PRKCQ: variants seen among roughly 807,000 people sequenced by gnomAD.
PRKCQ encodes the protein protein kinase C theta, also known as protein kinase C theta type.
PRKCQ carries 41 observed loss-of-function variants against 91.2 expected under a neutral mutation model. That is an observed-to-expected ratio of 0.45 (90% CI 0.35 to 0.58). PRKCQ has a LOEUF of 0.58. Ranked by LOEUF, PRKCQ falls within the 20% of genes least tolerant of loss-of-function variation. The probability of loss-of-function intolerance (pLI) is 0.00; values close to 1 mark genes in which losing one functional copy is unlikely to be tolerated. For synonymous variants in PRKCQ, 307 were observed against 316.9 expected, an observed-to-expected ratio of 0.97 and a Z score of 0.33; for missense variants, 673 against 896.5, an observed-to-expected ratio of 0.75 and a Z score of 3.18.
At chr10:6,505,528 T>C (rs1216606352) in intron 4 of PRKCQ, among the ~76,000 whole-genome samples, 1 of 109,964 alleles carries the variant, frequency 9.1e-6, no homozygotes, top group Non-Finnish European at 2.2e-5. Context: ...TTTTCTTTCT[T>C]TCTTTTTCTT....
intron 2 of PRKCQ, 90 bp from the exon 3 acceptor site, chr10:6,511,284 G>T: frequency 1.7e-6 from 2 of 1,202,818 alleles, no homozygotes; most frequent in Non-Finnish European, 2.4e-6. Context: ...TGCTCCCTCT[G>T]TTCTCTGGGA....
chr10:6,408,462 C>T, the PRKCQ span, among the ~76,000 whole-genome samples: 3 of 152,198 alleles, frequency 2.0e-5, no homozygotes, highest in Non-Finnish European at 4.4e-5. Flanking sequence ...TCAAGTGATT[C>T]TCCTGCCTCA....
chr10:6,521,250 G>T lies in PRKCQ; in HGVS notation c.-9-6106C>A, dbSNP rs1215106265. Among the ~76,000 whole-genome samples the T allele has an allele frequency of 3.9e-5, 6 of 152,142 alleles. No individual in the cohort carries two copies. In the East Asian group the frequency reaches 7.7e-4, roughly 20 times the overall value. On this transcript the variant is annotated intron_variant, in intron 1 of 17. Transcript: ENST00000263125. The stretch of plus-strand genomic sequence containing the variant: ...TAGAGACTCTGCATTTTTGCTTAGG[G>T]AGTTCATTTTCAAAAGCAACATTTT...
intron 1 of PRKCQ, among the ~76,000 whole-genome samples, chr10:6,534,371 C>G (rs1003300991): frequency 3.3e-5 from 5 of 152,138 alleles, no homozygotes; most frequent in African/African-American, 1.2e-4. Context: ...ATTTATTCTA[C>G]TGAACATGAC....
chr10:6,451,741 G>A (rs1363024685), intron 15 of PRKCQ, among the ~76,000 whole-genome samples: 1 of 152,070 alleles, frequency 6.6e-6, no homozygotes, highest in African/African-American at 2.4e-5. Context: ...GATCAAATGG[G>A]CTTCATCCCT....
chr10:6,579,498 T>C (rs1404377162), intron 1 of PRKCQ, among the ~76,000 whole-genome samples: 2 of 152,066 alleles, frequency 1.3e-5, no homozygotes, highest in African/African-American at 4.8e-5. Flanking sequence ...GCCTGTAGCA[T>C]TCAACAGTCA....
intron 12 of PRKCQ, among the ~76,000 whole-genome samples, chr10:6,464,779 TACA>T (rs1400531309): frequency 1.3e-5 from 2 of 152,176 alleles, no homozygotes; most frequent in Non-Finnish European, 2.9e-5. Context: ...TTAGAGAAAA[TACA>T]ACAAGGAGGA....
intron 3 of PRKCQ, among the ~76,000 whole-genome samples, chr10:6,510,630 C>A (rs1838423684): frequency 1.3e-5 from 2 of 152,248 alleles, no homozygotes; most frequent in South Asian, 4.1e-4. Flanking sequence ...TACAAATATT[C>A]TTCCCAAAAC....
intron 16 of PRKCQ, among the ~76,000 whole-genome samples, chr10:6,436,041 G>C (rs376691332): frequency 1.8e-4 from 27 of 152,168 alleles, no homozygotes; most frequent in African/African-American, 6.5e-4. Flanking sequence ...TTGAGCCTGG[G>C]AAGCATAGGC....
intron 14 of PRKCQ, among the ~76,000 whole-genome samples, chr10:6,460,925 TCATC>T (rs949326553): frequency 2.7e-5 from 4 of 149,066 alleles, no homozygotes; most frequent in African/African-American, 7.4e-5. Context: ...AACCATCTGT[TCATC>T]CATCCGTTGT....
intron 14 of PRKCQ, among the ~76,000 whole-genome samples, chr10:6,459,507 G>C (rs1835204522): frequency 6.6e-6 from 1 of 152,212 alleles, no homozygotes; most frequent in African/African-American, 2.4e-5. Flanking sequence ...GTTCATGTCA[G>C]AACCCCCAGA....
intron 11 of PRKCQ, among the ~76,000 whole-genome samples, chr10:6,479,533 C>G (rs997241195): frequency 6.6e-6 from 1 of 151,996 alleles, no homozygotes. Flanking sequence ...AAACTGTACT[C>G]GAAACATCAC....
intron 1 of PRKCQ, among the ~76,000 whole-genome samples, chr10:6,534,783 TA>T (rs1564379026): frequency 2.7e-5 from 4 of 146,328 alleles, no homozygotes; most frequent in South Asian, 2.1e-4. Context: ...TCTATATATA[TA>T]TATATATAGA....
chr10:6,404,694 TTTCC>T, the PRKCQ span, among the ~76,000 whole-genome samples: 6 of 149,756 alleles, frequency 4.0e-5, no homozygotes, highest in Non-Finnish European at 8.9e-5. Flanking sequence ...CCTTCCTTTC[TTTCC>T]TTTTTTCTTT....
chr10:6,410,851 C>T, the PRKCQ span, among the ~76,000 whole-genome samples: 3,832 of 151,858 alleles, frequency 0.025, 152 homozygotes, highest in African/African-American at 0.088. Context: ...GGCGTGGTGG[C>T]GGGTGCCTGT....
At chr10:6,442,876 C>T (rs967012940) in intron 15 of PRKCQ, among the ~76,000 whole-genome samples, 5 of 152,024 alleles carry the variant, frequency 3.3e-5, no homozygotes, top group African/African-American at 1.2e-4. Flanking sequence ...GCAGGAGAAT[C>T]GCTTGAACCT....
chr10:6,524,407 T>A (rs764826360), intron 1 of PRKCQ, among the ~76,000 whole-genome samples: 18 of 152,190 alleles, frequency 1.2e-4, no homozygotes, highest in Non-Finnish European at 2.4e-4. Context: ...TTGGAGGGCC[T>A]GAATTCAAAC....
chr10:6,441,221 AC>A (rs2132257604), intron 16 of PRKCQ, among the ~76,000 whole-genome samples: 1 of 152,122 alleles, frequency 6.6e-6, no homozygotes, highest in South Asian at 2.1e-4. Context: ...ATAAAAAAAA[AC>A]CCTCTATATA....
rs1835580379 is a variant in PRKCQ at position 6,465,177 on chromosome 10, G to A, written c.1354-773C>T. On this transcript the variant is annotated intron_variant, in intron 12 of 17. Coordinates refer to ENST00000263125, the MANE Select transcript of PRKCQ (RefSeq NM_006257.5). The surrounding 1 kb of genome is among the most constrained non-coding windows in gnomAD (Gnocchi z 4.4). ...TCAACACTCAGTAATTAGCTACTGAGCATATTCTGTGGGCGTGGCGTGGGG... is the reference window on the plus strand; with the variant it reads ...TCAACACTCAGTAATTAGCTACTGAACATATTCTGTGGGCGTGGCGTGGGG... Among the ~76,000 whole-genome samples, 1 of 152,226 alleles carries A rather than the reference G, an allele frequency of 6.6e-6. No homozygotes were observed. Among genetic ancestry groups the A allele is most frequent in the African/African-American group, 2.4e-5 (1 of 41,456 alleles).
Sources: gnomAD v4.1 joint callset for allele counts (sites outside exome capture counted in the v4.1 genomes callset) on GRCh38, gnomAD v4.1.1 for gene constraint, Gnocchi (gnomAD v3.1) non-coding constraint, MANE v1.5 for transcripts, NCBI Gene and HGNC (gene_info 2026-07-23, HGNC 2026-07-21) for gene names.